Variants in PACRG observed in about 807,000 individuals in gnomAD.
PACRG encodes parkin coregulated gene protein.
A neutral mutation model predicts 29.7 loss-of-function variants in PACRG; 29 were observed. The ratio of observed to expected loss-of-function variants is 0.98; its 90% confidence interval spans 0.73 to 1.33. The LOEUF is 1.33. Among genes scored for constraint, PACRG ranks in the 40% most tolerant of loss-of-function variants. PACRG has a pLI of 0.00. For missense variants in PACRG, 279 were observed against 316.2 expected (o/e 0.88, Z 0.89); for synonymous variants, 116 against 118.7 (o/e 0.98, Z 0.15).
rs138760332 is a variant in PACRG at position 163,175,762 on chromosome 6, G to A, written c.613+86354G>A. On this transcript the variant is annotated intron_variant, in intron 4 of 4. Transcript: ENST00000366888. ...CCTGTCAAAGGAGGAGGAGGAGGAG[G>A]AGGAGGAGGAGGAGGAGGAGCTCTG... 3.7e-3 allele frequency among the ~76,000 whole-genome samples: 558 copies of A among 151,268 alleles called. 4 individuals are homozygous for A. Among genetic ancestry groups the A allele is most frequent in the African/African-American group, 0.013 (531 of 41,428 alleles).
chr6:163,237,606 G>A (rs79879841), intron 4 of PACRG, among the ~76,000 whole-genome samples: 32 of 152,242 alleles, frequency 2.1e-4, no homozygotes, highest in African/African-American at 7.5e-4. Context: ...AATTGGAGTT[G>A]TCTCTTTGTC....
intron 2 of PACRG, among the ~76,000 whole-genome samples, chr6:162,978,517 A>T (rs1323542653): frequency 6.6e-6 from 1 of 152,076 alleles, no homozygotes; most frequent in Admixed American, 6.6e-5. Flanking sequence ...ATAATTCTAT[A>T]TGGTGTGAGG....
At chr6:162,805,687 T>A (rs963613920) in intron 1 of PACRG, among the ~76,000 whole-genome samples, 1 of 152,224 alleles carries the variant, frequency 6.6e-6, no homozygotes, top group African/African-American at 2.4e-5. Flanking sequence ...ATGTTTGCTG[T>A]CATTGTCCTT....
intron 3 of PACRG, among the ~76,000 whole-genome samples, chr6:163,078,077 T>G (rs974495637): frequency 6.6e-6 from 1 of 152,230 alleles, no homozygotes; most frequent in Admixed American, 6.5e-5. Flanking sequence ...TCTATCACTC[T>G]TCTAGTGTAA....
intron 2 of PACRG, among the ~76,000 whole-genome samples, chr6:162,913,326 C>A (rs1010704450): frequency 3.9e-5 from 6 of 152,136 alleles, no homozygotes; most frequent in Non-Finnish European, 8.8e-5. Context: ...TTGTGGGGGA[C>A]GTATGTGGCT....
At chr6:162,764,727 A>G (rs1782645444) in intron 1 of PACRG, among the ~76,000 whole-genome samples, 1 of 151,992 alleles carries the variant, frequency 6.6e-6, no homozygotes, top group Non-Finnish European at 1.5e-5. Flanking sequence ...CAGACATTAA[A>G]AAAACCTCTG....
At chr6:163,131,497 C>T (rs999461490) in intron 4 of PACRG, among the ~76,000 whole-genome samples, 13 of 152,012 alleles carry the variant, frequency 8.6e-5, no homozygotes, top group African/African-American at 1.9e-4. Context: ...TTTGGAGAGG[C>T]GCATAAAACA....
chr6:163,043,398 A>G (rs2128239147), intron 2 of PACRG, among the ~76,000 whole-genome samples: 1 of 152,278 alleles, frequency 6.6e-6, no homozygotes, highest in Admixed American at 6.5e-5. Flanking sequence ...TCTACCAAAA[A>G]TACAAAAACT....
intron 4 of PACRG, among the ~76,000 whole-genome samples, chr6:163,235,185 C>T (rs1233409336): frequency 3.3e-5 from 5 of 152,132 alleles, no homozygotes; most frequent in East Asian, 1.9e-4. Flanking sequence ...GGGCATGACT[C>T]GAGCAGTTCA....
intron 1 of PACRG, among the ~76,000 whole-genome samples, chr6:162,781,462 A>G (rs1784085240): frequency 2.0e-5 from 3 of 151,940 alleles, no homozygotes; most frequent in South Asian, 2.1e-4. Flanking sequence ...AATGGAAACT[A>G]TAAGAGTAAA....
At chr6:163,120,821 C>A (rs1816232320) in intron 4 of PACRG, among the ~76,000 whole-genome samples, 1 of 152,186 alleles carries the variant, frequency 6.6e-6, no homozygotes, top group African/African-American at 2.4e-5. Flanking sequence ...TGATCCTTGT[C>A]AGCCGGGGGA....
At chr6:163,007,964 C>T (rs1356713920) in intron 2 of PACRG, among the ~76,000 whole-genome samples, 2 of 152,100 alleles carry the variant, frequency 1.3e-5, no homozygotes, top group African/African-American at 4.8e-5. Flanking sequence ...CATTTTAAGT[C>T]CCCTCTCTCA....
chr6:163,227,223 G>A (rs181456108), intron 4 of PACRG, among the ~76,000 whole-genome samples: 229 of 152,238 alleles, frequency 1.5e-3, no homozygotes, highest in African/African-American at 4.9e-3. Flanking sequence ...TTCTACTCAC[G>A]ATAGAGGGCG....
At chr6:162,887,397 A>G (rs1015878645) in intron 2 of PACRG, among the ~76,000 whole-genome samples, 1 of 152,204 alleles carries the variant, frequency 6.6e-6, no homozygotes, top group Non-Finnish European at 1.5e-5. Flanking sequence ...GGTGACTTCC[A>G]ATGTATTCTC....
Position 163,143,646 on chromosome 6 carries a change from A to T in PACRG, c.613+54238A>T, listed in dbSNP as rs147579062. On this transcript the variant is annotated intron_variant, in intron 4 of 4. Coordinates refer to ENST00000366888, the MANE Select transcript of PACRG (RefSeq NM_001080379.2). ...CATATACAGTTGTTAAATCACAATA[A>T]TACTTTTTTTGATATTGAACTAAAC... Among the ~76,000 whole-genome samples the T allele has an allele frequency of 6.8e-4, 104 of 152,318 alleles. 2 individuals are homozygous for T. The highest frequency in any genetic ancestry group is 5.4e-3 in the Admixed American group (82 of 15,302).
intron 2 of PACRG, among the ~76,000 whole-genome samples, chr6:162,817,318 G>A (rs1298192952): frequency 6.6e-6 from 1 of 152,214 alleles, no homozygotes; most frequent in East Asian, 1.9e-4. Flanking sequence ...GCACTCTATG[G>A]TAACATCAGA....
At chr6:162,947,608 A>ATGATTTTATAT (rs1554313269) in intron 2 of PACRG, among the ~76,000 whole-genome samples, 1 of 66,346 alleles carries the variant, frequency 1.5e-5, no homozygotes, top group Admixed American at 2.4e-4. Flanking sequence ...ATATATATAT[A>ATGATTTTATAT]ATCATATATA....
intron 4 of PACRG, among the ~76,000 whole-genome samples, chr6:163,231,831 C>T (rs772158700): frequency 6.6e-6 from 1 of 152,212 alleles, no homozygotes; most frequent in Non-Finnish European, 1.5e-5. Context: ...CCTCTCCAGA[C>T]CACTGGCTGC....
intron 2 of PACRG, among the ~76,000 whole-genome samples, chr6:162,935,205 C>T (rs954051131): frequency 4.6e-5 from 7 of 152,060 alleles, no homozygotes; most frequent in Admixed American, 3.3e-4. Context: ...ATTTGAACTT[C>T]CTGTATCTAT....
Sources: allele counts gnomAD v4.1 joint callset (sites outside exome capture counted in the v4.1 genomes callset), GRCh38; gene constraint gnomAD v4.1.1; transcripts MANE v1.5; gene names NCBI Gene and HGNC (gene_info 2026-07-23, HGNC 2026-07-21).